Variants in DDX46 observed in about 807,000 individuals in gnomAD.
DDX46 encodes probable ATP-dependent RNA helicase DDX46.
DDX46 carries 30 observed loss-of-function variants against 134.9 expected under a neutral mutation model. That is an observed-to-expected ratio of 0.22 (90% confidence interval 0.17 to 0.30). DDX46 has a LOEUF of 0.30. DDX46 is among the 10% of genes least tolerant of loss of function. The pLI, the probability that DDX46 is intolerant of heterozygous loss-of-function variation, is 1.00. For synonymous variants in DDX46, 415 were observed against 404.1 expected (o/e 1.03, Z -0.32); for missense variants, 622 against 1,248.7 (o/e 0.50, Z 7.56).
chr5:134,786,616 G>A (rs1011460346), intron 11 of DDX46, among the ~76,000 whole-genome samples: 3 of 152,102 alleles, frequency 2.0e-5, no homozygotes, highest in Admixed American at 6.6e-5. Flanking sequence ...AGGCCGAAGC[G>A]GGTGGATCAT....
chr5:134,765,117 G>A (rs113163805), intron 2 of DDX46, among the ~76,000 whole-genome samples: 2,152 of 148,756 alleles, frequency 0.014, 42 homozygotes, highest in African/African-American at 0.051. Flanking sequence ...CACCCAGGCT[G>A]GAGTGCAGTG....
Position 134,820,160 on chromosome 5 carries a change from T to G in DDX46, c.2977+1156T>G, listed in dbSNP as rs546871759. Among the ~76,000 whole-genome samples, 3 of 151,988 alleles carry G rather than the reference T, an allele frequency of 2.0e-5. No homozygotes were observed. The East Asian group carries it at 5.9e-4, about 30-fold the overall frequency. ...TGGTCTCAAACTCCTGACCTCATGGTCCACCCGCCTTGGTCTCCCAAAGTG... is the reference window on the plus strand; with the variant it reads ...TGGTCTCAAACTCCTGACCTCATGGGCCACCCGCCTTGGTCTCCCAAAGTG... On this transcript the variant is annotated intron_variant, in intron 21 of 22. Coordinates refer to ENST00000452510, the MANE Select transcript of DDX46 (RefSeq NM_001300860.2).
chr5:134,782,335 G>A (rs113826756), intron 8 of DDX46, among the ~76,000 whole-genome samples: 2,012 of 151,864 alleles, frequency 0.013, 35 homozygotes, highest in African/African-American at 0.047. Flanking sequence ...GTGAAACCCC[G>A]TCTCTACTAA....
intron 4 of DDX46, among the ~76,000 whole-genome samples, chr5:134,771,208 C>G (rs1314462534): frequency 6.6e-6 from 1 of 151,702 alleles, no homozygotes; most frequent in East Asian, 2.0e-4. Flanking sequence ...AATTCTCCTG[C>G]CTCAGCCTCC....
Position 134,758,942 on chromosome 5 carries a change from G to C in DDX46, c.4G>C (p.Gly2Arg). ...CAGTATTCCCGCGGTCGGCAGCATG[G>C]GTCGGGAGTCACGGTGAGGCAGAGC... Reference protein sequence around the residue: MGRESRHYRKRS... With the variant: MRRESRHYRKRS... Residue 2 changes from glycine (G) to arginine (R), a missense_variant, in exon 1 of 23, where the codon GGT becomes CGT. By Grantham distance (125) the Gly-to-Arg change is moderately radical. Coordinates refer to ENST00000452510, the MANE Select transcript of DDX46 (RefSeq NM_001300860.2). The C allele has an allele frequency of 1.9e-6, 3 of 1,612,940 alleles. No homozygotes were observed. The highest frequency in any genetic ancestry group is 2.5e-6 in the Non-Finnish European group (3 of 1,179,870).
chr5:134,818,765 T>A, intron 20 of DDX46, 95 bp from the exon 21 acceptor site: 4 of 973,546 alleles, frequency 4.1e-6, no homozygotes, highest in African/African-American at 1.7e-5. Flanking sequence ...AGACCAACCA[T>A]AATATGATAT....
chr5:134,783,083 G>A lies in DDX46; in HGVS notation c.1166+18G>A. 1 of 1,610,862 alleles carries A rather than the reference G, an allele frequency of 6.2e-7. No individual in the cohort carries two copies. ...CTCAAGAAGTAAGTGGTTGGTGGTTGTTTATGTTTTCCGTGTCTTGCTGCT... is the reference window on the plus strand; with the variant it reads ...CTCAAGAAGTAAGTGGTTGGTGGTTATTTATGTTTTCCGTGTCTTGCTGCT... On this transcript the variant is annotated intron_variant, in intron 9 of 22. Coordinates refer to ENST00000452510, the MANE Select transcript of DDX46 (RefSeq NM_001300860.2).
intron 1 of DDX46, 101 bp downstream of exon 1, chr5:134,759,056 C>G (rs1753293956): frequency 6.5e-7 from 1 of 1,538,944 alleles, no homozygotes; most frequent in Admixed American, 1.9e-5. Context: ...TGGCGCGGCC[C>G]CACGTGCGGT....
chr5:134,785,681 A>G, intron 11 of DDX46, 95 bp downstream of exon 11: 1 of 1,389,228 alleles, frequency 7.2e-7, no homozygotes. Context: ...TTTTTTGAAT[A>G]GTGATTGCTT....
At chr5:134,776,391 G>GAA (rs879312247) in intron 5 of DDX46, among the ~76,000 whole-genome samples, 1 of 135,974 alleles carries the variant, frequency 7.4e-6, no homozygotes. Flanking sequence ...AGACTGTCTA[G>GAA]AAAAAAAAAA....
chr5:134,761,773 C>A (rs767612217), intron 1 of DDX46, among the ~76,000 whole-genome samples: 5 of 152,184 alleles, frequency 3.3e-5, no homozygotes, highest in Non-Finnish European at 7.3e-5. Context: ...CCCATCGGTG[C>A]TAGCTTCAAG....
intron 21 of DDX46, among the ~76,000 whole-genome samples, chr5:134,820,942 T>C (rs943420023): frequency 4.7e-5 from 7 of 147,626 alleles, no homozygotes; most frequent in Non-Finnish European, 1.0e-4. Context: ...CTCGACTCAC[T>C]GCAACTCCCA....
chr5:134,800,544 T>C (rs1210727852), intron 15 of DDX46, among the ~76,000 whole-genome samples: 1 of 152,176 alleles, frequency 6.6e-6, no homozygotes, highest in Non-Finnish European at 1.5e-5. Context: ...GAATATACCA[T>C]AATCAGGTTG....
intron 15 of DDX46, chr5:134,797,193 A>AAAAAAAAAAAACAAAAC (rs1754689939): frequency 3.4e-6 from 1 of 291,670 alleles, no homozygotes; most frequent in African/African-American, 2.3e-5. Context: ...AAAAAAAAAA[A>AAAAAAAAAAAACAAAAC]AAAACACAAA....
At chr5:134,796,475 T>G (rs1399205785) in intron 15 of DDX46, among the ~76,000 whole-genome samples, 1 of 152,230 alleles carries the variant, frequency 6.6e-6, no homozygotes, top group Non-Finnish European at 1.5e-5. Flanking sequence ...GAGCTTTTAT[T>G]GAAATTTCAA....
Position 134,831,023 on chromosome 5 carries a change from A to G in DDX46, c.*2317A>G, listed in dbSNP as rs1259567281. The G allele has an allele frequency of 2.0e-5, 3 of 152,608 alleles. No individual in the cohort carries two copies. The highest frequency in any genetic ancestry group is 7.2e-5 in the African/African-American group (3 of 41,466). 9.5% of individuals were successfully genotyped at this position (152,608 alleles called of 1,614,324 possible). On this transcript the variant is annotated 3_prime_UTR_variant, in exon 23 of 23. Transcript: ENST00000452510. ...ATTTTTTAGTGTCACACTGACTTTT[A>G]AAATTTGAATGATATATAGACTTTG...
intron 12 of DDX46, among the ~76,000 whole-genome samples, chr5:134,789,603 A>G (rs1444695309): frequency 1.3e-5 from 2 of 151,360 alleles, no homozygotes; most frequent in East Asian, 1.9e-4. Flanking sequence ...TTTTTTCTCA[A>G]TGCTGCATTG....
intron 8 of DDX46, 135 bp downstream of exon 8, chr5:134,782,221 A>C: frequency 9.8e-7 from 1 of 1,016,998 alleles, no homozygotes; most frequent in Non-Finnish European, 1.4e-6. Flanking sequence ...TCAAAAATTA[A>C]TTGGCCAGCT....
At chr5:134,781,340 C>G in intron 7 of DDX46, 94 bp downstream of exon 7, 2 of 957,562 alleles carry the variant, frequency 2.1e-6, no homozygotes, top group Non-Finnish European at 3.1e-6. Flanking sequence ...TTTGTGTGAG[C>G]TAGGAGAAAT....
Sources: allele counts gnomAD v4.1 joint callset (sites outside exome capture counted in the v4.1 genomes callset), GRCh38; gene constraint gnomAD v4.1.1; transcripts MANE v1.5; gene names NCBI Gene and HGNC (gene_info 2026-07-23, HGNC 2026-07-21).